The following RBFOX1 variants were observed in gnomAD, a reference collection of about 807,000 sequenced individuals.
RBFOX1 encodes the protein RNA binding fox-1 homolog 1.
In RBFOX1, 8 loss-of-function variants were observed where a neutral mutation model predicts 57.7. That is an observed-to-expected ratio of 0.14 (90% CI 0.08 to 0.25). The LOEUF is 0.25. RBFOX1 is among the 10% of genes least tolerant of loss of function. The pLI is 1.00. For missense variants in RBFOX1, 611 were observed against 548.5 expected (o/e 1.11, Z -1.14); for synonymous variants, 326 against 222.4 (o/e 1.47, Z -4.15).
At position 6,492,081 on chromosome 16, in the gene RBFOX1, T is replaced by G. The variant is rs146033208; in HGVS notation, c.-63-162522T>G. ...AATTGGCAAAGGACATGAATATAGG[T>G]TTTGGAAAAATAAACATAAATAGCA... is the stretch of plus-strand genomic sequence containing the variant. On this transcript the variant is annotated intron_variant, in intron 2 of 15. Transcript: ENST00000550418. Among the ~76,000 whole-genome samples the G allele has an allele frequency of 2.2e-3, 341 of 151,904 alleles. 2 individuals are homozygous for G. The highest frequency in any genetic ancestry group is 0.014 in the Middle Eastern group (4 of 294).
chr16:6,153,919 T>C (rs879737481), intron 1 of RBFOX1, among the ~76,000 whole-genome samples: 2 of 152,236 alleles, frequency 1.3e-5, no homozygotes, highest in African/African-American at 2.4e-5. Context: ...TTTCCATTCC[T>C]GAGGTAAGGT....
At chr16:6,906,829 TCTC>T (rs1388574656) in intron 3 of RBFOX1, among the ~76,000 whole-genome samples, 1 of 151,918 alleles carries the variant, frequency 6.6e-6, no homozygotes, top group Non-Finnish European at 1.5e-5. Flanking sequence ...TTCAAGCAAT[TCTC>T]CTGCCTCAGC....
At chr16:6,513,269 C>T (rs760919272) in intron 2 of RBFOX1, among the ~76,000 whole-genome samples, 3 of 152,184 alleles carry the variant, frequency 2.0e-5, no homozygotes, top group East Asian at 1.9e-4. Context: ...GTGGTTGCCA[C>T]GTAGCAAATG....
At chr16:7,327,963 C>G (rs2096633651) in intron 4 of RBFOX1, among the ~76,000 whole-genome samples, 1 of 152,172 alleles carries the variant, frequency 6.6e-6, no homozygotes, top group South Asian at 2.1e-4. Context: ...TACCCCCTGT[C>G]TCTCATCTTC....
At chr16:6,757,875 T>C (rs950596569) in intron 3 of RBFOX1, among the ~76,000 whole-genome samples, 1 of 152,214 alleles carries the variant, frequency 6.6e-6, no homozygotes, top group African/African-American at 2.4e-5. Context: ...ACACATTGTG[T>C]GCATGTATCA....
intron 1 of RBFOX1, among the ~76,000 whole-genome samples, chr16:6,110,465 C>G (rs183154898): frequency 2.0e-5 from 3 of 152,026 alleles, no homozygotes; most frequent in South Asian, 2.1e-4. Flanking sequence ...CAATTGATAC[C>G]TAAGTAGTGT....
intron 14 of RBFOX1, among the ~76,000 whole-genome samples, chr16:7,706,133 A>C (rs980240895): frequency 6.6e-6 from 1 of 152,190 alleles, no homozygotes; most frequent in Non-Finnish European, 1.5e-5. Context: ...ACTCAAGTCC[A>C]CATCTTCCCC....
At chr16:7,044,029 A>G (rs1282099552) in intron 3 of RBFOX1, among the ~76,000 whole-genome samples, 1 of 152,276 alleles carries the variant, frequency 6.6e-6, no homozygotes, top group Non-Finnish European at 1.5e-5. Context: ...CACTGTACAA[A>G]TGTTCTCTGT....
chr16:6,535,537 G>A (rs1347900574), intron 2 of RBFOX1, among the ~76,000 whole-genome samples: 1 of 152,140 alleles, frequency 6.6e-6, no homozygotes, highest in African/African-American at 2.4e-5. Flanking sequence ...CACATGTCAG[G>A]TTTATTCGTC....
At chr16:5,373,311 G>A (rs948133532) in intron 1 of RBFOX1, among the ~76,000 whole-genome samples, 1 of 152,166 alleles carries the variant, frequency 6.6e-6, no homozygotes, top group Non-Finnish European at 1.5e-5. Context: ...AGCAAATTTC[G>A]TGTCGAATTG....
intron 1 of RBFOX1, among the ~76,000 whole-genome samples, chr16:5,351,146 T>G (rs1430309752): frequency 6.6e-6 from 1 of 152,170 alleles, no homozygotes; most frequent in Non-Finnish European, 1.5e-5. Flanking sequence ...ATTTTGCCCA[T>G]GATGGGAGTC....
At chr16:6,941,347 C>G (rs918442019) in intron 3 of RBFOX1, among the ~76,000 whole-genome samples, 1 of 131,290 alleles carries the variant, frequency 7.6e-6, no homozygotes, top group Non-Finnish European at 1.6e-5. Context: ...TCCTTCCTTC[C>G]TTCCTTCCTT....
chr16:6,829,966 G>T (rs2092584054), intron 3 of RBFOX1, among the ~76,000 whole-genome samples: 1 of 151,640 alleles, frequency 6.6e-6, no homozygotes, highest in Non-Finnish European at 1.5e-5. Flanking sequence ...GCCCAGGCTG[G>T]AGTGCAGTGG....
intron 4 of RBFOX1, among the ~76,000 whole-genome samples, chr16:7,462,427 A>G (rs187415329): frequency 3.2e-4 from 48 of 152,270 alleles, no homozygotes; most frequent in African/African-American, 1.1e-3. Context: ...GGAGGCAGAG[A>G]TTGCAGTGAG....
At chr16:5,835,641 G>A (rs1281230583) in intron 3 of RBFOX1, among the ~76,000 whole-genome samples, 2 of 152,210 alleles carry the variant, frequency 1.3e-5, no homozygotes, top group Non-Finnish European at 2.9e-5. Context: ...TTCTGAAGCA[G>A]GTGGCTCTGC....
At chr16:6,606,474 T>A (rs768289684) in intron 2 of RBFOX1, among the ~76,000 whole-genome samples, 15 of 152,170 alleles carry the variant, frequency 9.9e-5, no homozygotes, top group Non-Finnish European at 1.6e-4. Context: ...CACCTAGTTA[T>A]TAAGCCCCAT....
chr16:7,379,800 G>GCCTGCCTGCCTCCCTC (rs1478266145), intron 4 of RBFOX1, among the ~76,000 whole-genome samples: 3 of 150,524 alleles, frequency 2.0e-5, no homozygotes, highest in Non-Finnish European at 4.4e-5. Context: ...CTGCCTCCCT[G>GCCTGCCTGCCTCCCTC]CCTGCCTGCC....
At chr16:7,709,870 A>T in intron 15 of RBFOX1, 1 of 1,138,026 alleles carries the variant, frequency 8.8e-7, no homozygotes. Flanking sequence ...ACGTGAGAGC[A>T]TATGCAATCA....
intron 1 of RBFOX1, among the ~76,000 whole-genome samples, chr16:5,449,530 G>T (rs1388589221): frequency 6.6e-6 from 1 of 152,174 alleles, no homozygotes; most frequent in Non-Finnish European, 1.5e-5. Context: ...TCACAGTCAG[G>T]ATTTGAACCC....
Sources: allele counts gnomAD v4.1 joint callset (sites outside exome capture counted in the v4.1 genomes callset), GRCh38; gene constraint gnomAD v4.1.1; transcripts MANE v1.5; gene names NCBI Gene and HGNC (gene_info 2026-07-23, HGNC 2026-07-21).